CAVIN4: variants seen among roughly 807,000 people sequenced by gnomAD.
The protein encoded by CAVIN4 is caveolae-associated protein 4.
CAVIN4 carries 10 observed loss-of-function variants against 18.6 expected under a neutral mutation model. The ratio of observed to expected loss-of-function variants is 0.54; its 90% CI spans 0.33 to 0.91. The LOEUF is 0.91. Among genes scored for constraint, CAVIN4 ranks in the 40% least tolerant of loss-of-function variants. CAVIN4 has a pLI of 0.02. For synonymous variants in CAVIN4, 173 were observed against 164.8 expected (o/e 1.05, Z -0.38); for missense variants, 459 against 440.5 (o/e 1.04, Z -0.38).
At chr9:100,584,161 A>G (rs1252407579) in intron 1 of CAVIN4, among the ~76,000 whole-genome samples, 5 of 152,196 alleles carry the variant, frequency 3.3e-5, no homozygotes, top group Non-Finnish European at 5.9e-5. Flanking sequence ...ATGTCACCGT[A>G]TGAATGAGGC....
intron 1 of CAVIN4, among the ~76,000 whole-genome samples, chr9:100,578,921 T>C (rs1374468076): frequency 6.6e-6 from 1 of 152,220 alleles, no homozygotes; most frequent in African/African-American, 2.4e-5. Flanking sequence ...AGCCTCTAGT[T>C]TAAAACACTT....
In CAVIN4 at chr9:100,586,341, C is replaced by A. The variant is rs141175381; in HGVS notation, c.985C>A (p.His329Asn). The change falls in exon 2 of 2, where the codon CAT becomes AAT. Residue 329 changes from histidine (H) to asparagine (N), a missense_variant. Physicochemically the swap from His to Asn is moderately conservative, Grantham distance 68. Coordinates refer to ENST00000307584, the MANE Select transcript of CAVIN4 (RefSeq NM_001018116.2). ...GGCAGCCAGGCCGGTGTATCCTCCC[C>A]ATGAAGGAAGGGAAATCCCCACCCC... Reference protein sequence around the residue: ...HEAARPVYPPHEGREIPTPEP... With the variant: ...HEAARPVYPPNEGREIPTPEP... 94 of 1,613,994 alleles carry A rather than the reference C, an allele frequency of 5.8e-5. 1 individual carries two copies. Among genetic ancestry groups the A allele is most frequent in the African/African-American group, 4.1e-4 (31 of 74,966 alleles).
chr9:100,578,605 T>A (rs1839396536), intron 1 of CAVIN4, 54 bp downstream of exon 1: 1 of 1,562,846 alleles, frequency 6.4e-7, no homozygotes, highest in Non-Finnish European at 8.8e-7. Context: ...CATCTTTTAA[T>A]TGCCAAAAGT....
At position 100,578,112 on chromosome 9, in the gene CAVIN4, G is replaced by C. The variant is rs1423365542; in HGVS notation, c.-32G>C. On this transcript the variant is annotated 5_prime_UTR_variant, in exon 1 of 2. Transcript: ENST00000307584. ...GCTCCAAGTGCCAGAATTGATTGTG[G>C]TTAGGACATCTTACGCTGAGAAATA... 6.2e-7 allele frequency: 1 copy of C among 1,611,500 alleles called. No homozygotes were observed.
At chr9:100,584,752 G>A (rs1327537445) in intron 1 of CAVIN4, among the ~76,000 whole-genome samples, 1 of 152,230 alleles carries the variant, frequency 6.6e-6, no homozygotes. Context: ...ATGGTAGCAT[G>A]TGCCTGTAGT....
chr9:100,585,722 T>G (rs1362887426), intron 1 of CAVIN4, 43 bp from the exon 2 acceptor site: 1 of 1,500,892 alleles, frequency 6.7e-7, no homozygotes, highest in East Asian at 2.3e-5. Context: ...TGCTCTATAG[T>G]GCAAAGGAAG....
chr9:100,586,818 C>A lies in CAVIN4; in HGVS notation c.*367C>A. On this transcript the variant is annotated 3_prime_UTR_variant, in exon 2 of 2. Transcript: ENST00000307584. ...GGTTATATCGTCCAGATGTTCAGATCAACAGATTTGTTAGTAAATTAGCAG... is the reference window on the plus strand; with the variant it reads ...GGTTATATCGTCCAGATGTTCAGATAAACAGATTTGTTAGTAAATTAGCAG... 6.3e-6 allele frequency: 1 copy of A among 159,106 alleles called. No homozygotes were observed. The highest frequency in any genetic ancestry group is 1.9e-4 in the South Asian group (1 of 5,158). The allele number at this position is 159,106 out of a possible 1,614,324, so 9.9% of individuals were successfully genotyped here. A position where few individuals can be genotyped will look rare whatever the true frequency, so the allele number is the denominator to read the frequency against.
intron 1 of CAVIN4, among the ~76,000 whole-genome samples, chr9:100,582,932 A>AT (rs201186151): frequency 8.6e-5 from 13 of 150,974 alleles, no homozygotes; most frequent in East Asian, 1.9e-4. Context: ...GAATATTCAT[A>AT]TTTTTTTTTG....
chr9:100,582,127 G>A (rs117612068), intron 1 of CAVIN4, among the ~76,000 whole-genome samples: 3,962 of 152,202 alleles, frequency 0.026, 79 homozygotes, highest in Non-Finnish European at 0.041. Flanking sequence ...TGGGGGCACA[G>A]TTTCTTTTAG....
chr9:100,586,543 A>G lies in CAVIN4; in HGVS notation c.*92A>G. The G allele has an allele frequency of 1.1e-6, 1 of 881,646 alleles. No homozygotes were observed. Among genetic ancestry groups the G allele is most frequent in the Non-Finnish European group, 1.7e-6 (1 of 586,256 alleles). 54.6% of individuals were successfully genotyped at this position (881,646 alleles called of 1,614,324 possible). On this transcript the variant is annotated 3_prime_UTR_variant, in exon 2 of 2. Coordinates refer to ENST00000307584, the MANE Select transcript of CAVIN4 (RefSeq NM_001018116.2). ...CGTCTACATTTCTGTGCCATGTAGG[A>G]AAACATAAATGTATTTTTTTTCTTA...
chr9:100,587,266 G>C lies in CAVIN4; in HGVS notation c.*815G>C, dbSNP rs1839490504. On this transcript the variant is annotated 3_prime_UTR_variant, in exon 2 of 2. Coordinates refer to ENST00000307584, the MANE Select transcript of CAVIN4 (RefSeq NM_001018116.2). ...TTTTCATCAGACTAACTATATCTTG[G>C]GTTTTAGTTGGGTCTCAAAATGTTC... 1 of 152,134 alleles carries C rather than the reference G, an allele frequency of 6.6e-6. No individual in the cohort carries two copies. Among genetic ancestry groups the C allele is most frequent in the Non-Finnish European group, 1.5e-5 (1 of 68,022 alleles). The allele number at this position is 152,134 out of a possible 1,614,324, so 9.4% of individuals were successfully genotyped here.
At chr9:100,577,330 CATAA>C (rs1839369976), upstream of CAVIN4, 1 of 152,472 alleles carries the variant, frequency 6.6e-6, no homozygotes, top group Non-Finnish European at 1.5e-5. Flanking sequence ...TTTGTTTTAA[CATAA>C]ATAAACAAAT....
At chr9:100,583,069 G>A (rs756556404) in intron 1 of CAVIN4, among the ~76,000 whole-genome samples, 6 of 152,140 alleles carry the variant, frequency 3.9e-5, no homozygotes, top group Non-Finnish European at 8.8e-5. Flanking sequence ...GTAAAACAGA[G>A]CATAGACCCA....
chr9:100,588,230 C>T lies in CAVIN4; in HGVS notation c.*1779C>T, dbSNP rs1345508834. On this transcript the variant is annotated 3_prime_UTR_variant, in exon 2 of 2. Transcript: ENST00000307584. ...GAATACATGAAATCATAATATCGTTCATGTTGTTACCTTTTTATATTGAAA... is the reference window on the plus strand; with the variant it reads ...GAATACATGAAATCATAATATCGTTTATGTTGTTACCTTTTTATATTGAAA... 6.6e-6 allele frequency among the ~76,000 whole-genome samples: 1 copy of T among 152,196 alleles called. No homozygotes were observed. The highest frequency in any genetic ancestry group is 2.4e-5 in the African/African-American group (1 of 41,446).
rs911881281 is a variant in CAVIN4, at chr9:100,588,126, CT to C, written c.*1678del. 6.6e-6 allele frequency among the ~76,000 whole-genome samples: 1 copy of C among 152,122 alleles called. No individual in the cohort carries two copies. Among genetic ancestry groups the C allele is most frequent in the Non-Finnish European group, 1.5e-5 (1 of 68,014 alleles). ...ATACACACAGGCATACATAAATCGG[CT>C]TTAAAATATTTGACTCAGTTACTCA... On this transcript the variant is annotated 3_prime_UTR_variant, in exon 2 of 2. Coordinates refer to ENST00000307584, the MANE Select transcript of CAVIN4 (RefSeq NM_001018116.2).
rs772720467 is a variant in CAVIN4, at chr9:100,578,362, G to A, written c.219G>A (p.Leu73=). The A allele has an allele frequency of 3.7e-6, 6 of 1,613,978 alleles. No homozygotes were observed. Among genetic ancestry groups the A allele is most frequent in the Non-Finnish European group, 4.2e-6 (5 of 1,179,998 alleles). ...TAAAATCCGTCCAGATTGACCTGTT[G>A]AAGCTTTCACAGTCGCATAGCAATA... ...NAIKSVQIDL[L]KLSQSHSNTG... The change falls in exon 1 of 2, where the codon TTG becomes TTA. Residue 73 remains leucine, a synonymous_variant. Coordinates refer to ENST00000307584, the MANE Select transcript of CAVIN4 (RefSeq NM_001018116.2).
At chr9:100,580,494 A>C (rs1251407631) in intron 1 of CAVIN4, among the ~76,000 whole-genome samples, 1 of 152,240 alleles carries the variant, frequency 6.6e-6, no homozygotes, top group Non-Finnish European at 1.5e-5. Context: ...ACTGCTGAGA[A>C]CTTTTGTGCA....
chr9:100,580,091 A>G (rs565978635), intron 1 of CAVIN4, among the ~76,000 whole-genome samples: 91 of 132,686 alleles, frequency 6.9e-4, no homozygotes, highest in Non-Finnish European at 1.1e-3. Context: ...AAATTTGGGA[A>G]AAAAAAAAAA....
chr9:100,581,807 C>G (rs189870812), intron 1 of CAVIN4, among the ~76,000 whole-genome samples: 1 of 152,238 alleles, frequency 6.6e-6, no homozygotes, highest in Non-Finnish European at 1.5e-5. Context: ...TATACCCTCT[C>G]AGGCCGTGCC....
Sources: gnomAD v4.1 joint callset for allele counts (sites outside exome capture counted in the v4.1 genomes callset) on GRCh38, gnomAD v4.1.1 for gene constraint, MANE v1.5 for transcripts, NCBI Gene and HGNC (gene_info 2026-07-23, HGNC 2026-07-21) for gene names.